PIR: variants seen among roughly 807,000 people sequenced by gnomAD.
PIR encodes the protein pirin.
Under a neutral mutation model 24.2 loss-of-function variants are expected in PIR, and 22 were observed. That is an observed-to-expected ratio of 0.91 (90% CI 0.65 to 1.30). The LOEUF (loss-of-function observed/expected upper bound fraction) is 1.30. Among genes scored for constraint, PIR ranks in the 50% most tolerant of loss-of-function variants. The pLI, the probability that PIR is intolerant of heterozygous loss-of-function variation, is 0.00. For missense variants in PIR, 220 were observed against 220.3 expected (o/e 1.00, Z 0.01); for synonymous variants, 80 against 79.6 (o/e 1.00, Z -0.03).
Position 15,474,603 on chromosome X carries a change from G to A in PIR, c.189+5126C>T, listed in dbSNP as rs565451114. On this transcript the variant is annotated intron_variant, in intron 3 of 9. Transcript: ENST00000380420. ...CAAGGGGTGTCTTGAGAGTAGAGGT[G>A]GCTTTAGCTTCCTTCTTATATCTGT... Among the ~76,000 whole-genome samples, 39 of 111,584 alleles carry A rather than the reference G, an allele frequency of 3.5e-4. No individual in the cohort carries two copies. The South Asian group carries it at 0.014, about 40-fold the overall frequency.
At chrX:15,444,556 A>G (rs1926025218) in intron 5 of PIR, among the ~76,000 whole-genome samples, 1 of 111,166 alleles carries the variant, frequency 9.0e-6, no homozygotes, top group Non-Finnish European at 1.9e-5. Flanking sequence ...AACTCCCTAC[A>G]TTTGACTTCC....
At chrX:15,436,791 T>C (rs2147043168) in intron 5 of PIR, among the ~76,000 whole-genome samples, 1 of 112,526 alleles carries the variant, frequency 8.9e-6, no homozygotes, top group East Asian at 2.8e-4. Flanking sequence ...TTGGCAAAGA[T>C]TTCATAGAGC....
chrX:15,394,979 A>G (rs1924079505), intron 8 of PIR, among the ~76,000 whole-genome samples: 1 of 112,106 alleles, frequency 8.9e-6, no homozygotes, highest in African/African-American at 3.2e-5. Flanking sequence ...ACAGAAAGGA[A>G]GAGTAGTAAA....
intron 8 of PIR, among the ~76,000 whole-genome samples, 194 bp from the exon 9 acceptor site, chrX:15,390,445 T>C (rs1923922354): frequency 9.0e-6 from 1 of 111,539 alleles, no homozygotes; most frequent in Non-Finnish European, 1.9e-5. Flanking sequence ...CAAGTAGAAC[T>C]CAAGAATAAG....
intron 7 of PIR, among the ~76,000 whole-genome samples, chrX:15,400,864 G>A (rs1039643642): frequency 4.6e-5 from 5 of 107,872 alleles, no homozygotes; most frequent in Non-Finnish European, 9.6e-5. Context: ...TCAGCCTCCT[G>A]AGTAGCTGGG....
intron 7 of PIR, among the ~76,000 whole-genome samples, chrX:15,403,415 T>C (rs945757129): frequency 8.9e-6 from 1 of 112,249 alleles, no homozygotes; most frequent in African/African-American, 3.2e-5. Flanking sequence ...GGGACTAGAA[T>C]TCAAGCTGAT....
At chrX:15,386,638 G>A (rs907179812) in intron 9 of PIR, among the ~76,000 whole-genome samples, 1 of 111,703 alleles carries the variant, frequency 9.0e-6, no homozygotes, top group African/African-American at 3.3e-5. Context: ...TCCAGGAAAG[G>A]ATTCACAGAG....
intron 3 of PIR, among the ~76,000 whole-genome samples, chrX:15,460,372 T>C (rs1427529537): frequency 6.2e-5 from 7 of 112,010 alleles, no homozygotes; most frequent in Admixed American, 5.7e-4. Context: ...AAATAGATAA[T>C]GTGGTATATA....
chrX:15,437,347 C>A (rs1602268894), intron 5 of PIR, among the ~76,000 whole-genome samples: 1 of 112,147 alleles, frequency 8.9e-6, no homozygotes, highest in South Asian at 3.7e-4. Flanking sequence ...AAAAGCATCT[C>A]ATTCTATCAG....
intron 8 of PIR, among the ~76,000 whole-genome samples, chrX:15,395,446 C>T (rs1924100382): frequency 1.8e-5 from 2 of 111,850 alleles, no homozygotes; most frequent in Admixed American, 9.5e-5. Flanking sequence ...AATATGGAAA[C>T]GAATGGGTGT....
At chrX:15,479,910 A>C in intron 2 of PIR, 89 bp from the exon 3 acceptor site, 1 of 438,331 alleles carries the variant, frequency 2.3e-6, no homozygotes, top group Non-Finnish European at 3.8e-6. Context: ...AGCAAGCCTC[A>C]TTGAAAACTA....
chrX:15,455,611 G>T (rs1921049023), intron 5 of PIR, among the ~76,000 whole-genome samples: 1 of 112,354 alleles, frequency 8.9e-6, no homozygotes, highest in South Asian at 3.7e-4. Context: ...TTTGAAAATT[G>T]CTCCTCGACC....
At chrX:15,440,858 C>T (rs960707503) in intron 5 of PIR, among the ~76,000 whole-genome samples, 7 of 110,977 alleles carry the variant, frequency 6.3e-5, no homozygotes, top group Admixed American at 2.9e-4. Context: ...AGAGTGGAGA[C>T]GGTATGGATA....
At chrX:15,386,650 G>C (rs960046630) in intron 9 of PIR, among the ~76,000 whole-genome samples, 6 of 111,633 alleles carry the variant, frequency 5.4e-5, no homozygotes, top group African/African-American at 2.0e-4. Context: ...TTCACAGAGG[G>C]AGTGATGTTT....
intron 1 of PIR, among the ~76,000 whole-genome samples, chrX:15,491,664 T>C (rs190521888): frequency 3.6e-5 from 4 of 112,158 alleles, no homozygotes; most frequent in African/African-American, 1.3e-4. Flanking sequence ...AGTAGTCCCA[T>C]AAGACTATAA....
Position 15,384,816 on chromosome X carries a change from A to AT in PIR, c.*187dup, listed in dbSNP as rs748516599. The AT allele has an allele frequency of 6.8e-6, 2 of 292,264 alleles. No individual in the cohort carries two copies. The highest frequency in any genetic ancestry group is 2.7e-5 in the African/African-American group (1 of 36,453). The allele number at this position is 292,264 out of a possible 1,213,427, so 24.1% of individuals were successfully genotyped here. ...AACACTGATTTTTAAAGAAACAATG[A>AT]TTAGGTTTATTTGCATGTGCCAGGA... On this transcript the variant is annotated 3_prime_UTR_variant, in exon 10 of 10. Coordinates refer to ENST00000380420, the MANE Select transcript of PIR (RefSeq NM_001018109.3).
chrX:15,387,242 C>T (rs764999577), intron 9 of PIR, among the ~76,000 whole-genome samples: 28 of 106,943 alleles, frequency 2.6e-4, no homozygotes, highest in African/African-American at 7.2e-4. Flanking sequence ...ATTACAGGCA[C>T]GTGCCACCAT....
chrX:15,464,066 C>T (rs975969207), intron 3 of PIR, among the ~76,000 whole-genome samples: 2 of 111,720 alleles, frequency 1.8e-5, no homozygotes, highest in African/African-American at 6.5e-5. Context: ...ACTGTGCAAC[C>T]GTTAAAAAGT....
In PIR at chrX:15,386,547, T is replaced by A. The variant is rs183760458; in HGVS notation, c.761-1431A>T. Among the ~76,000 whole-genome samples the A allele has an allele frequency of 4.9e-3, 546 of 111,791 alleles. 3 individuals carry two copies. Among genetic ancestry groups the A allele is most frequent in the African/African-American group, 0.017 (534 of 30,744 alleles). ...TCTATCACACAGATATGAAAAGAAA[T>A]CATTACAAAACTGTTTGAAATATGG... On this transcript the variant is annotated intron_variant, in intron 9 of 9. Transcript: ENST00000380420.
Sources: gnomAD v4.1 joint callset for allele counts (sites outside exome capture counted in the v4.1 genomes callset) on GRCh38, gnomAD v4.1.1 for gene constraint, MANE v1.5 for transcripts, NCBI Gene and HGNC (gene_info 2026-07-23, HGNC 2026-07-21) for gene names.